The following RTCB variants were observed in gnomAD, a reference collection of about 807,000 sequenced individuals.
RTCB encodes the protein RNA-splicing ligase RTCB.
Under a neutral mutation model 58.2 loss-of-function variants are expected in RTCB, and 32 were observed. The observed-to-expected ratio is 0.55, with a 90% confidence interval of 0.41 to 0.74. The LOEUF is 0.74. RTCB is among the 30% of genes least tolerant of loss of function. RTCB has a pLI of 0.00. For missense variants in RTCB, 523 were observed against 639.0 expected (o/e 0.82, Z 1.96); for synonymous variants, 247 against 218.6 (o/e 1.13, Z -1.15).
chr22:32,392,095 G>T, intron 11 of RTCB, 145 bp downstream of exon 11: 1 of 759,012 alleles, frequency 1.3e-6, no homozygotes, highest in Non-Finnish European at 2.1e-6. Context: ...CTAATCCAAG[G>T]AAGATAAGCC....
intron 9 of RTCB, among the ~76,000 whole-genome samples, chr22:32,394,215 C>T (rs1482566919): frequency 1.3e-5 from 2 of 151,756 alleles, no homozygotes; most frequent in Non-Finnish European, 2.9e-5. Flanking sequence ...GGGTTCACGC[C>T]ATTCTCTTGC....
chr22:32,404,777 C>A (rs1194126743), intron 4 of RTCB, among the ~76,000 whole-genome samples: 1 of 152,144 alleles, frequency 6.6e-6, no homozygotes, highest in Non-Finnish European at 1.5e-5. Context: ...CTCCTAGACC[C>A]AAGTGATCCT....
chr22:32,401,724 G>A (rs757504822), intron 5 of RTCB, 23 bp downstream of exon 5: 1 of 1,612,410 alleles, frequency 6.2e-7, no homozygotes, highest in South Asian at 1.1e-5. Flanking sequence ...CCCATACCAT[G>A]TACTGGAAAC....
At position 32,396,060 on chromosome 22, in the gene RTCB, A is replaced by G. The variant is rs373699241; in HGVS notation, c.990+14T>C. ...CATGAATGACTCGGAACAGAAGAGCAACTTCTACTGTACCTGACGGGTTAA... is the reference window on the plus strand; with the variant it reads ...CATGAATGACTCGGAACAGAAGAGCGACTTCTACTGTACCTGACGGGTTAA... On this transcript the variant is annotated intron_variant, in intron 8 of 11. Coordinates refer to ENST00000216038, the MANE Select transcript of RTCB (RefSeq NM_014306.5). 1.9e-6 allele frequency: 3 copies of G among 1,612,474 alleles called. No individual in the cohort carries two copies. The East Asian group carries it at 6.7e-5, about 36-fold the overall frequency.
At position 32,396,092 on chromosome 22, in the gene RTCB, C is replaced by A; in HGVS notation, c.972G>T (p.Met324Ile). The A allele has an allele frequency of 6.2e-7, 1 of 1,614,028 alleles. No homozygotes were observed. Among genetic ancestry groups the A allele is most frequent in the South Asian group, 1.1e-5 (1 of 91,046 alleles). ...ACTGTACCTGACGGGTTAAGAAGGT[C>A]ATGGAAGAGCGGTTGACCCAGGCAT... ...GNYAWVNRSSMTFLTRQAFAK... is the reference protein window; with the variant it reads ...GNYAWVNRSSITFLTRQAFAK... Residue 324 changes from methionine to isoleucine, a missense_variant, in exon 8 of 12, where the codon ATG (methionine) becomes ATT (isoleucine). Met to Ile is a conservative substitution (Grantham distance 10). Transcript: ENST00000216038.
At position 32,408,234 on chromosome 22, in the gene RTCB, C is replaced by T. The variant is rs770188883; in HGVS notation, c.181G>A (p.Gly61Ser). 1 of 1,614,036 alleles carries T rather than the reference C, an allele frequency of 6.2e-7. No individual in the cohort carries two copies. Among genetic ancestry groups the T allele is most frequent in the Non-Finnish European group, 8.5e-7 (1 of 1,179,950 alleles). ...RNACRGGGVG[G>S]FLPAMKQIGN... ...ATCTGTTTCATGGCTGGCAGGAAGC[C>T]ACCAACACCTGAAGACAAAAATTGG... Residue 61 changes from glycine (G) to serine (S), a missense_variant, in exon 3 of 12, where the codon GGC becomes AGC. Physicochemically the swap from Gly to Ser is moderately conservative, Grantham distance 56 (BLOSUM62 0). Coordinates refer to ENST00000216038, the MANE Select transcript of RTCB (RefSeq NM_014306.5).
chr22:32,393,659 C>A (rs1933193420), intron 10 of RTCB, among the ~76,000 whole-genome samples: 1 of 152,138 alleles, frequency 6.6e-6, no homozygotes, highest in Admixed American at 6.5e-5. Flanking sequence ...TCTGGACTTG[C>A]AGAGATAAGA....
intron 1 of RTCB, among the ~76,000 whole-genome samples, chr22:32,411,776 G>A (rs1414192692): frequency 6.6e-6 from 1 of 151,818 alleles, no homozygotes; most frequent in African/African-American, 2.4e-5. Context: ...ACGTTTATGA[G>A]ACTGATCTGT....
intron 11 of RTCB, among the ~76,000 whole-genome samples, chr22:32,389,992 G>C (rs1274074087): frequency 6.6e-6 from 1 of 152,108 alleles, no homozygotes; most frequent in South Asian, 2.1e-4. Flanking sequence ...TTTTGCGCTT[G>C]CTGTTCTCTC....
In RTCB at chr22:32,400,028, A is replaced by G. The variant is rs188992493; in HGVS notation, c.498-269T>C. On this transcript the variant is annotated intron_variant, in intron 5 of 11. Coordinates refer to ENST00000216038, the MANE Select transcript of RTCB (RefSeq NM_014306.5). ...TATACTGCTCCTTGTTAATTTTCAA[A>G]TCTTTTTTATATTCAGTTTTGCCTC... 3.1e-5 allele frequency: 9 copies of G among 287,240 alleles called. No individual in the cohort carries two copies. In the Admixed American group the frequency reaches 4.5e-4, roughly 14 times the overall value. 17.8% of individuals were successfully genotyped at this position (287,240 alleles called of 1,614,324 possible). A position where few individuals can be genotyped will look rare whatever the true frequency, so the allele number is the denominator to read the frequency against.
intron 1 of RTCB, among the ~76,000 whole-genome samples, chr22:32,409,697 C>A (rs924255303): frequency 6.6e-6 from 1 of 152,168 alleles, no homozygotes; most frequent in African/African-American, 2.4e-5. Context: ...TTTATTAATT[C>A]ACCAAACATT....
At chr22:32,395,979 C>G in intron 8 of RTCB, 95 bp downstream of exon 8, 3 of 1,286,116 alleles carry the variant, frequency 2.3e-6, no homozygotes, top group Non-Finnish European at 3.3e-6. Flanking sequence ...GGATTACAGG[C>G]ATGAGCCACC....
At chr22:32,398,135 T>C (rs1414405762) in intron 6 of RTCB, 35 bp from the exon 7 acceptor site, 1 of 1,582,250 alleles carries the variant, frequency 6.3e-7, no homozygotes, top group Non-Finnish European at 8.5e-7. Flanking sequence ...AGATAGTTTT[T>C]ATTCCAGTTT....
intron 11 of RTCB, among the ~76,000 whole-genome samples, chr22:32,388,760 T>C (rs759577646): frequency 4.6e-5 from 7 of 152,186 alleles, no homozygotes; most frequent in African/African-American, 1.2e-4. Flanking sequence ...AGGCCATCCA[T>C]GCTGATTCCC....
Position 32,394,849 on chromosome 22 carries a change from G to A in RTCB, c.1179+177C>T, listed in dbSNP as rs577306785. Among the ~76,000 whole-genome samples, 55 of 152,306 alleles carry A rather than the reference G, an allele frequency of 3.6e-4. 1 individual carries two copies. In the South Asian group the frequency reaches 0.011, roughly 31 times the overall value. ...GCTATAGCACACGGCACCACCGCAAGCACAAATGATGGGGGAAGGAGTTAC... is the reference window on the plus strand; with the variant it reads ...GCTATAGCACACGGCACCACCGCAAACACAAATGATGGGGGAAGGAGTTAC... On this transcript the variant is annotated intron_variant, in intron 9 of 11. Coordinates refer to ENST00000216038, the MANE Select transcript of RTCB (RefSeq NM_014306.5).
chr22:32,392,614 T>C (rs1457271192), intron 10 of RTCB: 1 of 582,520 alleles, frequency 1.7e-6, no homozygotes, highest in Non-Finnish European at 3.1e-6. Context: ...TAAGACCCAC[T>C]AAATGCCAAT....
chr22:32,390,430 T>A (rs1205974266), intron 11 of RTCB, among the ~76,000 whole-genome samples: 1 of 152,176 alleles, frequency 6.6e-6, no homozygotes, highest in Non-Finnish European at 1.5e-5. Flanking sequence ...GTTTTCTGTT[T>A]TCTCCTTTGT....
chr22:32,397,543 TCTA>T (rs1486756228), intron 7 of RTCB, among the ~76,000 whole-genome samples: 1 of 152,218 alleles, frequency 6.6e-6, no homozygotes, highest in Admixed American at 6.5e-5. Flanking sequence ...CACCATCACA[TCTA>T]CTGTTGCAGA....
At position 32,401,896 on chromosome 22, in the gene RTCB, G is replaced by A. The variant is rs781047399; in HGVS notation, c.348C>T (p.Val116=). Residue 116 remains valine (V), a synonymous_variant, in exon 5 of 12, where the codon GTC becomes GTT. Coordinates refer to ENST00000216038, the MANE Select transcript of RTCB (RefSeq NM_014306.5). ...DPEAVVSPGG[V]GFDINCGVRL... is the part of the protein sequence containing the mutation. ...GGACACCACAGTTGATGTCAAACCCGACACCACCTACAAAATAGAGAAAAG... is the reference window on the plus strand; with the variant it reads ...GGACACCACAGTTGATGTCAAACCCAACACCACCTACAAAATAGAGAAAAG... 3.1e-6 allele frequency: 5 copies of A among 1,613,474 alleles called. No individual in the cohort carries two copies. Among genetic ancestry groups the A allele is most frequent in the East Asian group, 4.5e-5 (2 of 44,870 alleles).
Sources: gnomAD v4.1 joint callset for allele counts (sites outside exome capture counted in the v4.1 genomes callset) on GRCh38, gnomAD v4.1.1 for gene constraint, MANE v1.5 for transcripts, NCBI Gene and HGNC (gene_info 2026-07-23, HGNC 2026-07-21) for gene names.